The following ZNF532 variants were observed in gnomAD, a reference collection of about 807,000 sequenced individuals.
The protein encoded by ZNF532 is zinc finger protein 532.
A neutral mutation model predicts 89.3 loss-of-function variants in ZNF532; 22 were observed. That is an observed-to-expected ratio of 0.25 (90% CI 0.18 to 0.35). ZNF532 has a LOEUF of 0.35. Ranked by LOEUF, ZNF532 falls within the 10% of genes least tolerant of loss-of-function variation. The pLI is 1.00. For synonymous variants in ZNF532, 606 were observed against 649.6 expected (o/e 0.93, Z 1.02); for missense variants, 1,132 against 1,643.4 (o/e 0.69, Z 5.38).
At chr18:58,901,682 G>C (rs1378649051) in intron 2 of ZNF532, among the ~76,000 whole-genome samples, 1 of 152,184 alleles carries the variant, frequency 6.6e-6, no homozygotes, top group Non-Finnish European at 1.5e-5. Flanking sequence ...TACAAGTGAC[G>C]ATGAGTCCAC....
chr18:58,915,352 G>C (rs17761568), intron 2 of ZNF532, among the ~76,000 whole-genome samples: 5,554 of 152,256 alleles, frequency 0.036, 103 homozygotes, highest in East Asian at 0.058. Context: ...AGTTCACTCT[G>C]ACCTCTTACC....
At chr18:58,862,981 G>A (rs1037525834), upstream of ZNF532, 5 of 152,220 alleles carry the variant, frequency 3.3e-5, no homozygotes, top group Non-Finnish European at 5.9e-5. Flanking sequence ...CTAACCAGAG[G>A]AGAGCCCCTT....
chr18:58,934,951 A>G (rs1425404086), intron 4 of ZNF532, among the ~76,000 whole-genome samples: 2 of 152,116 alleles, frequency 1.3e-5, no homozygotes, highest in African/African-American at 4.8e-5. Context: ...CTGCAAGAAA[A>G]CTATACATTC....
chr18:58,893,546 T>G (rs575959571), intron 2 of ZNF532, among the ~76,000 whole-genome samples: 1 of 151,564 alleles, frequency 6.6e-6, no homozygotes, highest in South Asian at 2.1e-4. Context: ...ATCCCAGCTC[T>G]TGGGAAGGCT....
At chr18:58,886,469 G>T (rs1359573011) in intron 2 of ZNF532, among the ~76,000 whole-genome samples, 2 of 151,766 alleles carry the variant, frequency 1.3e-5, no homozygotes, top group Non-Finnish European at 2.9e-5. Context: ...TTTTAATCAG[G>T]GCATGGTACT....
intron 7 of ZNF532, among the ~76,000 whole-genome samples, chr18:58,959,511 C>A (rs986646072): frequency 3.9e-5 from 6 of 152,050 alleles, no homozygotes; most frequent in Non-Finnish European, 5.9e-5. Context: ...CTCGGCCTCC[C>A]AAAGTGCTGG....
chr18:58,905,260 GT>G (rs2059858535), intron 2 of ZNF532, among the ~76,000 whole-genome samples: 1 of 152,162 alleles, frequency 6.6e-6, no homozygotes, highest in African/African-American at 2.4e-5. Flanking sequence ...ATCCAGAGCT[GT>G]TAAACACTGT....
At chr18:58,930,627 CAAAAAAA>C (rs59983153) in intron 3 of ZNF532, among the ~76,000 whole-genome samples, 2 of 81,198 alleles carry the variant, frequency 2.5e-5, no homozygotes, top group East Asian at 3.5e-4. Context: ...GACTCCATCT[CAAAAAAA>C]AAAAAAAAAA....
intron 3 of ZNF532, among the ~76,000 whole-genome samples, chr18:58,921,889 T>C (rs2061115225): frequency 6.6e-6 from 1 of 152,176 alleles, no homozygotes. Context: ...GTGAATTGCC[T>C]GAGCTCAGGA....
chr18:58,929,721 T>C (rs2061795079), intron 3 of ZNF532, among the ~76,000 whole-genome samples: 1 of 152,230 alleles, frequency 6.6e-6, no homozygotes, highest in Admixed American at 6.5e-5. Context: ...CGTAGCAGAA[T>C]GATTTGAGGA....
At chr18:58,931,592 C>A (rs571586104) in intron 3 of ZNF532, 5 of 152,256 alleles carry the variant, frequency 3.3e-5, no homozygotes, top group Admixed American at 2.6e-4. Flanking sequence ...TGATACCATG[C>A]AAGCATCAAG....
At chr18:58,882,909 G>A (rs1275097793) in intron 2 of ZNF532, among the ~76,000 whole-genome samples, 2 of 152,130 alleles carry the variant, frequency 1.3e-5, no homozygotes, top group African/African-American at 2.4e-5. Flanking sequence ...GTTCTGAGAA[G>A]CCTTGAGAAA....
At chr18:58,901,040 G>A (rs1023283151) in intron 2 of ZNF532, among the ~76,000 whole-genome samples, 18 of 152,148 alleles carry the variant, frequency 1.2e-4, no homozygotes, top group African/African-American at 4.3e-4. Flanking sequence ...TCCTTGCCAT[G>A]TATAAAATAT....
intron 8 of ZNF532, 62 bp from the exon 9 acceptor site, chr18:58,981,408 G>A (rs2067752646): frequency 1.3e-6 from 2 of 1,577,844 alleles, no homozygotes; most frequent in African/African-American, 1.4e-5. Flanking sequence ...TCGACCGTGA[G>A]TTCTTCCACA....
chr18:58,917,990 C>T (rs2060727020), intron 2 of ZNF532, among the ~76,000 whole-genome samples: 1 of 152,206 alleles, frequency 6.6e-6, no homozygotes, highest in African/African-American at 2.4e-5. Flanking sequence ...TTCTAGGCTA[C>T]AGCAGTTTCA....
intron 7 of ZNF532, among the ~76,000 whole-genome samples, chr18:58,975,591 C>T (rs929137323): frequency 2.0e-5 from 3 of 152,148 alleles, no homozygotes; most frequent in Admixed American, 2.0e-4. Flanking sequence ...CATGGGGTAG[C>T]GCACGCCTAG....
chr18:58,944,366 C>T (rs935595220), intron 5 of ZNF532, among the ~76,000 whole-genome samples: 2 of 151,884 alleles, frequency 1.3e-5, no homozygotes, highest in Non-Finnish European at 2.9e-5. Context: ...TCCTCTCTCT[C>T]TTCCTTCTTC....
chr18:58,915,262 C>T (rs1603039503), intron 2 of ZNF532, among the ~76,000 whole-genome samples: 2 of 152,288 alleles, frequency 1.3e-5, no homozygotes, highest in East Asian at 1.9e-4. Flanking sequence ...CTCAGAAATG[C>T]CCATTATGCA....
At chr18:58,913,861 T>C (rs1220888575) in intron 2 of ZNF532, among the ~76,000 whole-genome samples, 1 of 152,214 alleles carries the variant, frequency 6.6e-6, no homozygotes, top group African/African-American at 2.4e-5. Flanking sequence ...TGTTAGTTTC[T>C]GTATTAAATA....
Sources: allele counts gnomAD v4.1 joint callset (sites outside exome capture counted in the v4.1 genomes callset), GRCh38; gene constraint gnomAD v4.1.1; transcripts MANE v1.5; gene names NCBI Gene and HGNC (gene_info 2026-07-23, HGNC 2026-07-21).